Variants in PCP2 observed in about 807,000 individuals in gnomAD.
PCP2 encodes the protein Purkinje cell protein 2 homolog.
In PCP2, 21 loss-of-function variants were observed where a neutral mutation model predicts 18.3. The observed-to-expected ratio is 1.14, with a 90% CI of 0.81 to 1.65. The LOEUF is 1.65. Among genes scored for constraint, PCP2 ranks in the 40% most tolerant of loss-of-function variants. The probability of loss-of-function intolerance (pLI) is 0.00; values close to 1 mark genes in which losing one functional copy is unlikely to be tolerated. For missense variants in PCP2, 202 were observed against 201.8 expected, an observed-to-expected ratio of 1.00 and a Z score of 0.00; for synonymous variants, 85 against 77.6, an observed-to-expected ratio of 1.10 and a Z score of -0.50.
chr19:7,635,991 C>A (rs114177701), upstream of PCP2, among the ~76,000 whole-genome samples: 1 of 152,272 alleles, frequency 6.6e-6, no homozygotes, highest in South Asian at 2.1e-4. Context: ...TTCTAGAATC[C>A]ATTTAGGGAT....
Position 7,632,651 on chromosome 19 carries a change from A to T in PCP2, c.166+65T>A. ...CCCGTGCCCCCAGGCCCTCCAGATGACCACTTGCCCTGCACTCCCACCCCG... is the reference window on the plus strand; with the variant it reads ...CCCGTGCCCCCAGGCCCTCCAGATGTCCACTTGCCCTGCACTCCCACCCCG... On this transcript the variant is annotated intron_variant, in intron 2 of 3. Transcript: ENST00000311069. The surrounding 1 kb of genome is among the most constrained non-coding windows in gnomAD (Gnocchi z 5.2). The T allele has an allele frequency of 6.4e-7, 1 of 1,559,366 alleles. No homozygotes were observed. The highest frequency in any genetic ancestry group is 1.1e-5 in the South Asian group (1 of 87,540).
At chr19:7,637,002 G>A, upstream of PCP2, 1 of 908,252 alleles carries the variant, frequency 1.1e-6, no homozygotes, top group Non-Finnish European at 1.4e-6. Context: ...AACTTCCTGG[G>A]CCTGGGCGAG....
chr19:7,633,263 C>T (rs2031407081), intron 1 of PCP2, 144 bp downstream of exon 1: 3 of 893,528 alleles, frequency 3.4e-6, no homozygotes, highest in Non-Finnish European at 5.1e-6. Flanking sequence ...ACCCCCAAGC[C>T]CACCAGCCCC....
At chr19:7,633,276 T>G (rs2031407864) in intron 1 of PCP2, 131 bp downstream of exon 1, 1 of 991,416 alleles carries the variant, frequency 1.0e-6, no homozygotes, top group Non-Finnish European at 1.5e-6. Flanking sequence ...CCAGCCCCTT[T>G]CTACAGCCAC....
intron 1 of PCP2, chr19:7,633,089 T>G: frequency 1.7e-6 from 2 of 1,196,650 alleles, no homozygotes; most frequent in Non-Finnish European, 2.3e-6. Flanking sequence ...CAGGCTCCGA[T>G]GCGTGTCCCG....
chr19:7,632,524 G>T lies in PCP2; in HGVS notation c.167-7C>A. The T allele has an allele frequency of 6.2e-7, 1 of 1,612,570 alleles. No individual in the cohort carries two copies. On this transcript the variant is annotated splice_polypyrimidine_tract_variant and splice_region_variant and intron_variant, in intron 2 of 3. Transcript: ENST00000311069. This position sits in a 1 kb window ranked among gnomAD's most constrained non-coding sequence, Gnocchi z 5.2. Reference sequence around the variant, plus strand: ...TCGGGGGTGGGGTCGCTCTCTGCGTGGACGTTCACAGACTTGGGAGGACAC... The same window carrying T: ...TCGGGGGTGGGGTCGCTCTCTGCGTTGACGTTCACAGACTTGGGAGGACAC...
In PCP2 at chr19:7,632,405, G is replaced by A. The variant is rs139352632; in HGVS notation, c.279C>T (p.Pro93=). 301 of 1,613,786 alleles carry A rather than the reference G, an allele frequency of 1.9e-4. No individual in the cohort carries two copies. Among genetic ancestry groups the A allele is most frequent in the Non-Finnish European group, 6.9e-5 (82 of 1,179,956 alleles). Residue 93 remains proline (P), a synonymous_variant, in exon 3 of 4, where the codon CCC becomes CCT. Coordinates refer to ENST00000311069, the MANE Select transcript of PCP2 (RefSeq NM_174895.3). The surrounding 1 kb of genome is among the most constrained non-coding windows in gnomAD (Gnocchi z 5.2). ...GAACATCACCTACCTTGGACCCCAC[G>A]GGCTGGAAGCCGGGCAGGCTGCTGA... ...VTVSSLPGFQ[P]VGSKDGAQKR...
chr19:7,634,369 A>G (rs938064899), upstream of PCP2, among the ~76,000 whole-genome samples: 4 of 152,154 alleles, frequency 2.6e-5, no homozygotes, highest in African/African-American at 9.7e-5. Flanking sequence ...GGGCTGCACT[A>G]TCACCACCTC....
upstream of PCP2, chr19:7,636,988 A>C (rs2031559929): frequency 6.9e-5 from 47 of 683,582 alleles, no homozygotes; most frequent in East Asian, 7.6e-5. Context: ...CCCGCCAGGG[A>C]CTCAACTTCC....
Position 7,632,930 on chromosome 19 carries a change from GT to G in PCP2, c.52-101del, listed in dbSNP as rs1599380988. On this transcript the variant is annotated intron_variant, in intron 1 of 3. Transcript: ENST00000311069. The surrounding 1 kb of genome is among the most constrained non-coding windows in gnomAD (Gnocchi z 5.2). The stretch of plus-strand genomic sequence containing the variant: ...TCACACCCTGACCCCGGGGCCTGCC[GT>G]CCCCACTTCCTCAGCTCTCACCATG... 6.7e-7 allele frequency: 1 copy of G among 1,493,630 alleles called. No homozygotes were observed. The highest frequency in any genetic ancestry group is 8.9e-7 in the Non-Finnish European group (1 of 1,124,004). The allele number at this position is 1,493,630 out of a possible 1,614,324, so 92.5% of individuals were successfully genotyped here.
chr19:7,635,953 T>C (rs1432311124), upstream of PCP2, among the ~76,000 whole-genome samples: 1 of 152,082 alleles, frequency 6.6e-6, no homozygotes, highest in Non-Finnish European at 1.5e-5. Flanking sequence ...GCTCCTCCCT[T>C]CTCTACCTGG....
At chr19:7,636,862 T>A (rs7359905), upstream of PCP2, 2 of 367,968 alleles carry the variant, frequency 5.4e-6, no homozygotes, top group Non-Finnish European at 9.7e-6. Flanking sequence ...CCTGCGATCC[T>A]GCTTCGCACG....
rs2031344162 is a variant in PCP2, at chr19:7,632,249, G to A, written c.291+144C>T. The A allele has an allele frequency of 1.6e-6, 2 of 1,285,432 alleles. No homozygotes were observed. The highest frequency in any genetic ancestry group is 3.0e-5 in the African/African-American group (2 of 67,534). 79.6% of individuals were successfully genotyped at this position (1,285,432 alleles called of 1,614,324 possible). A position where few individuals can be genotyped will look rare whatever the true frequency, so the allele number is the denominator to read the frequency against. On this transcript the variant is annotated intron_variant, in intron 3 of 3. Coordinates refer to ENST00000311069, the MANE Select transcript of PCP2 (RefSeq NM_174895.3). The surrounding 1 kb of genome is among the most constrained non-coding windows in gnomAD (Gnocchi z 5.2). Reference sequence around the variant, plus strand: ...CCTTGGGCCCCTCTAGCCACTGCCTGGGCCTTGGTCCTCCCATCTGAAGTC... The same window carrying A: ...CCTTGGGCCCCTCTAGCCACTGCCTAGGCCTTGGTCCTCCCATCTGAAGTC...
rs1282540122 is a variant in PCP2, at chr19:7,633,657, G to A, written c.-200C>T. On this transcript the variant is annotated 5_prime_UTR_variant, in exon 1 of 4. Transcript: ENST00000311069. ...TTTGCCCACAACGATGCTGGATCTG[G>A]CATGGTGGGTAGGGGGCAGGGCGAC... The A allele has an allele frequency of 8.3e-6, 5 of 603,708 alleles. No individual in the cohort carries two copies. In the South Asian group the frequency reaches 1.0e-4, roughly 13 times the overall value. The allele number at this position is 603,708 out of a possible 1,614,324, so 37.4% of individuals were successfully genotyped here. A position where few individuals can be genotyped will look rare whatever the true frequency, so the allele number is the denominator to read the frequency against.
At position 7,632,715 on chromosome 19, in the gene PCP2, C is replaced by T. The variant is rs775127528; in HGVS notation, c.166+1G>A. On this transcript the variant is annotated splice_donor_variant, in intron 2 of 3. Coordinates refer to ENST00000311069, the MANE Select transcript of PCP2 (RefSeq NM_174895.3). LOFTEE classifies it high-confidence loss of function. This position sits in a 1 kb window ranked among gnomAD's most constrained non-coding sequence, Gnocchi z 5.2. ...GACAGCACCCCCGTGCCCATGCTCA[C>T]GGCTCTTGGTGGTCTGGCCCGGCCC... is the stretch of plus-strand genomic sequence containing the variant. 1.2e-5 allele frequency: 18 copies of T among 1,556,804 alleles called. No homozygotes were observed. The highest frequency in any genetic ancestry group is 4.7e-5 in the South Asian group (4 of 85,736).
intron 3 of PCP2, 82 bp from the exon 4 acceptor site, chr19:7,631,890 A>G (rs1182307874): frequency 7.7e-7 from 1 of 1,305,356 alleles, no homozygotes; most frequent in African/African-American, 1.5e-5. Flanking sequence ...GAGAGGGTGC[A>G]GGTAGCCACC....
chr19:7,634,710 C>G (rs2031463536), upstream of PCP2, among the ~76,000 whole-genome samples: 1 of 152,148 alleles, frequency 6.6e-6, no homozygotes, highest in South Asian at 2.1e-4. Context: ...GCCAACGTTC[C>G]AGAGGCCACA....
chr19:7,632,665 A>G lies in PCP2; in HGVS notation c.166+51T>C. The G allele has an allele frequency of 6.5e-7, 1 of 1,545,626 alleles. No individual in the cohort carries two copies. The highest frequency in any genetic ancestry group is 8.7e-7 in the Non-Finnish European group (1 of 1,150,962). ...CCCTCCAGATGACCACTTGCCCTGC[A>G]CTCCCACCCCGTTCACGCCCCATGG... On this transcript the variant is annotated intron_variant, in intron 2 of 3. Transcript: ENST00000311069. This position sits in a 1 kb window ranked among gnomAD's most constrained non-coding sequence, Gnocchi z 5.2.
At chr19:7,631,896 C>T (rs1599379166) in intron 3 of PCP2, 88 bp from the exon 4 acceptor site, 5 of 1,207,718 alleles carry the variant, frequency 4.1e-6, no homozygotes, top group East Asian at 2.8e-5. Flanking sequence ...GTGCAGGTAG[C>T]CACCGTGTCC....
Sources: gnomAD v4.1 joint callset for allele counts (sites outside exome capture counted in the v4.1 genomes callset) on GRCh38, gnomAD v4.1.1 for gene constraint, Gnocchi (gnomAD v3.1) non-coding constraint, MANE v1.5 for transcripts, NCBI Gene and HGNC (gene_info 2026-07-23, HGNC 2026-07-21) for gene names.